The following SETBP1 variants were observed in gnomAD, a reference collection of about 807,000 sequenced individuals.
SETBP1 encodes the protein SET binding protein 1.
Under a neutral mutation model 101.0 loss-of-function variants are expected in SETBP1, and 9 were observed. The ratio of observed to expected loss-of-function variants is 0.09; its 90% CI spans 0.05 to 0.16. The LOEUF is 0.16. SETBP1 is among the 10% of genes least tolerant of loss of function. The pLI is 1.00. For missense variants in SETBP1, 1,858 were observed against 2,033.8 expected (o/e 0.91, Z 1.66); for synonymous variants, 818 against 788.5 (o/e 1.04, Z -0.63).
At chr18:44,885,711 A>G (rs1202610052) in intron 3 of SETBP1, among the ~76,000 whole-genome samples, 1 of 151,810 alleles carries the variant, frequency 6.6e-6, no homozygotes, top group African/African-American at 2.4e-5. Flanking sequence ...TATCAAGGTC[A>G]CTGACAACCT....
chr18:44,695,070 G>A (rs897180784), intron 1 of SETBP1, among the ~76,000 whole-genome samples: 1 of 152,062 alleles, frequency 6.6e-6, no homozygotes, highest in Non-Finnish European at 1.5e-5. Context: ...AGGCAAAGGG[G>A]GCATGGAAAA....
At chr18:44,754,043 A>G (rs1486730813) in intron 2 of SETBP1, among the ~76,000 whole-genome samples, 2 of 152,164 alleles carry the variant, frequency 1.3e-5, no homozygotes, top group Non-Finnish European at 2.9e-5. Context: ...TTCACCATAG[A>G]TCGCCTCTGT....
intron 5 of SETBP1, among the ~76,000 whole-genome samples, chr18:45,049,604 A>G (rs1187735251): frequency 1.3e-5 from 2 of 152,302 alleles, no homozygotes; most frequent in East Asian, 3.9e-4. Context: ...TAAATGTGCC[A>G]TAGTCTCTTG....
intron 2 of SETBP1, among the ~76,000 whole-genome samples, chr18:44,842,788 G>A (rs2072644858): frequency 6.6e-6 from 1 of 152,172 alleles, no homozygotes; most frequent in Admixed American, 6.5e-5. Context: ...ACTTCCATTT[G>A]GACACCCTGC....
intron 2 of SETBP1, among the ~76,000 whole-genome samples, chr18:44,848,072 G>GGGGT (rs2072758951): frequency 6.7e-6 from 1 of 148,636 alleles, no homozygotes. Flanking sequence ...ACTCTCTGAA[G>GGGGT]GTGTGTGTGT....
chr18:44,948,351 T>C (rs2071257331), intron 3 of SETBP1, among the ~76,000 whole-genome samples: 1 of 152,310 alleles, frequency 6.6e-6, no homozygotes, highest in African/African-American at 2.4e-5. Flanking sequence ...AAATCCTGGT[T>C]TCATGACTGC....
intron 2 of SETBP1, among the ~76,000 whole-genome samples, chr18:44,718,715 T>C (rs1292861465): frequency 2.0e-5 from 3 of 152,200 alleles, no homozygotes; most frequent in Non-Finnish European, 2.9e-5. Flanking sequence ...ATTTGACTCA[T>C]AAGCTGCAGA....
chr18:44,832,683 G>T (rs1414398871), intron 2 of SETBP1, among the ~76,000 whole-genome samples: 4 of 152,186 alleles, frequency 2.6e-5, no homozygotes, highest in Non-Finnish European at 5.9e-5. Context: ...CTCTGAGGCA[G>T]GGCTGATGGG....
chr18:44,861,345 T>A (rs1320083016), intron 2 of SETBP1, among the ~76,000 whole-genome samples: 1 of 150,208 alleles, frequency 6.7e-6, no homozygotes, highest in Non-Finnish European at 1.5e-5. Context: ...TTCATGCCGT[T>A]CTCCTGCCTC....
At chr18:44,709,843 G>A (rs1248585847) in intron 2 of SETBP1, among the ~76,000 whole-genome samples, 2 of 147,834 alleles carry the variant, frequency 1.4e-5, no homozygotes, top group African/African-American at 2.5e-5. Flanking sequence ...GGTGTTGGTG[G>A]TAGGAATTGC....
At chr18:44,971,691 T>C (rs1326012381) in intron 4 of SETBP1, among the ~76,000 whole-genome samples, 1 of 152,236 alleles carries the variant, frequency 6.6e-6, no homozygotes, top group African/African-American at 2.4e-5. Context: ...GAAGTGTCTG[T>C]TCATATCCTT....
At chr18:44,796,869 GTGGGA>G (rs1189023339) in intron 2 of SETBP1, among the ~76,000 whole-genome samples, 10 of 152,166 alleles carry the variant, frequency 6.6e-5, no homozygotes, top group Admixed American at 2.6e-4. Flanking sequence ...TTTATCAACT[GTGGGA>G]TGCTCTACTG....
chr18:44,898,121 G>A (rs535042786), intron 3 of SETBP1, among the ~76,000 whole-genome samples: 1 of 152,252 alleles, frequency 6.6e-6, no homozygotes, highest in East Asian at 1.9e-4. Context: ...ATAGAGAGAT[G>A]CCTGTTTCAT....
intron 2 of SETBP1, among the ~76,000 whole-genome samples, chr18:44,819,258 G>A (rs2072052184): frequency 6.6e-6 from 1 of 152,116 alleles, no homozygotes. Flanking sequence ...TTGAGCAGTA[G>A]TACCAGACAC....
At chr18:44,972,148 C>G (rs1874105681) in intron 4 of SETBP1, among the ~76,000 whole-genome samples, 1 of 152,202 alleles carries the variant, frequency 6.6e-6, no homozygotes, top group South Asian at 2.1e-4. Context: ...TTCCCCATTT[C>G]TTATTTTTGT....
intron 2 of SETBP1, among the ~76,000 whole-genome samples, chr18:44,721,392 C>A (rs982985717): frequency 2.6e-5 from 4 of 152,086 alleles, no homozygotes; most frequent in African/African-American, 7.2e-5. Flanking sequence ...CTGCATAAAG[C>A]CAAAGTTTAC....
At chr18:44,738,739 A>T (rs2070032587) in intron 2 of SETBP1, among the ~76,000 whole-genome samples, 1 of 146,168 alleles carries the variant, frequency 6.8e-6, no homozygotes, top group Non-Finnish European at 1.5e-5. Context: ...ATGCCACTGC[A>T]CTCCAGCCTG....
intron 4 of SETBP1, among the ~76,000 whole-genome samples, chr18:44,959,562 G>A (rs2071565676): frequency 1.3e-5 from 2 of 152,262 alleles, no homozygotes; most frequent in South Asian, 4.2e-4. Context: ...TACAATCCAG[G>A]AGGACCTCTA....
chr18:44,866,223 C>T (rs1446509365), intron 2 of SETBP1, among the ~76,000 whole-genome samples: 1 of 152,200 alleles, frequency 6.6e-6, no homozygotes, highest in Non-Finnish European at 1.5e-5. Context: ...GAGCTTGTCC[C>T]CAGTGCCTGA....
Sources: gnomAD v4.1 joint callset for allele counts (sites outside exome capture counted in the v4.1 genomes callset) on GRCh38, gnomAD v4.1.1 for gene constraint, MANE v1.5 for transcripts, NCBI Gene and HGNC (gene_info 2026-07-23, HGNC 2026-07-21) for gene names.